FBLN7: variants seen among roughly 807,000 people sequenced by gnomAD.
FBLN7 encodes the protein fibulin 7, also known as fibulin-7.
FBLN7 carries 31 observed loss-of-function variants against 44.0 expected under a neutral mutation model. The observed-to-expected ratio is 0.70, with a 90% CI of 0.53 to 0.95. The LOEUF (loss-of-function observed/expected upper bound fraction) is 0.95. Ranked by LOEUF, FBLN7 falls within the 40% of genes least tolerant of loss-of-function variation. FBLN7 has a pLI of 0.00. For synonymous variants in FBLN7, 262 were observed against 253.4 expected (o/e 1.03, Z -0.32); for missense variants, 573 against 618.5 (o/e 0.93, Z 0.78).
rs139708636 is a variant in FBLN7 at position 112,186,446 on chromosome 2, C to G, written c.948-688C>G. Among the ~76,000 whole-genome samples, 782 of 152,170 alleles carry G rather than the reference C, an allele frequency of 5.1e-3. 10 individuals are homozygous for G. The highest frequency in any genetic ancestry group is 0.018 in the African/African-American group (737 of 41,512). ...CTTGAGATCAGGAGTTCGAGACCAG[C>G]CTGGCCAGCATGGTGAAACCCCGTC... is the stretch of plus-strand genomic sequence containing the variant. On this transcript the variant is annotated intron_variant, in intron 7 of 7. Coordinates refer to ENST00000331203, the MANE Select transcript of FBLN7 (RefSeq NM_153214.3).
At chr2:112,224,054 G>A in the FBLN7 span, among the ~76,000 whole-genome samples, 3 of 152,080 alleles carry the variant, frequency 2.0e-5, no homozygotes, top group Non-Finnish European at 4.4e-5. Flanking sequence ...CAGGAGAATC[G>A]CTTCAGCCTG....
intron 4 of FBLN7, chr2:112,176,309 T>G (rs1460522708): frequency 6.5e-6 from 1 of 153,016 alleles, no homozygotes; most frequent in Non-Finnish European, 1.5e-5. Context: ...ACATCTTGAG[T>G]CTCAACATAT....
chr2:112,163,672 C>T (rs1345319219), intron 2 of FBLN7, among the ~76,000 whole-genome samples: 1 of 152,236 alleles, frequency 6.6e-6, no homozygotes, highest in Non-Finnish European at 1.5e-5. Flanking sequence ...CCCTCCCCTT[C>T]CTCTTGTACG....
chr2:112,182,972 G>C, intron 6 of FBLN7, 44 bp downstream of exon 6: 1 of 1,603,596 alleles, frequency 6.2e-7, no homozygotes, highest in Middle Eastern at 1.7e-4. Context: ...GCCACCTGCT[G>C]CTGTGCTGAA....
chr2:112,192,954 G>A (rs1360123839), downstream of FBLN7, among the ~76,000 whole-genome samples: 3 of 152,148 alleles, frequency 2.0e-5, no homozygotes, highest in Non-Finnish European at 4.4e-5. Flanking sequence ...AAATAGATGT[G>A]TAAATGAAAA....
At chr2:112,146,648 C>T (rs1021509765) in intron 1 of FBLN7, among the ~76,000 whole-genome samples, 1 of 149,574 alleles carries the variant, frequency 6.7e-6, no homozygotes. Context: ...TCTGCGTTGA[C>T]CTTGTATCTT....
At chr2:112,200,374 C>T in the FBLN7 span, among the ~76,000 whole-genome samples, 1 of 152,182 alleles carries the variant, frequency 6.6e-6, no homozygotes, top group African/African-American at 2.4e-5. Context: ...GGCATGTATG[C>T]AGCTGGCTTA....
the FBLN7 span, among the ~76,000 whole-genome samples, chr2:112,211,226 A>C: frequency 6.6e-6 from 1 of 152,194 alleles, no homozygotes; most frequent in Non-Finnish European, 1.5e-5. Flanking sequence ...TCTGCCCCAC[A>C]TTTTTTTAGA....
chr2:112,228,324 A>G, the FBLN7 span, among the ~76,000 whole-genome samples: 1 of 152,158 alleles, frequency 6.6e-6, no homozygotes, highest in Non-Finnish European at 1.5e-5. Flanking sequence ...CAACATAGTG[A>G]AAGCCTGTCT....
chr2:112,231,868 C>T, the FBLN7 span: 1 of 1,593,366 alleles, frequency 6.3e-7, no homozygotes, highest in Admixed American at 1.7e-5. Flanking sequence ...TTTCAGGAGT[C>T]AGTGGAGCAT....
Position 112,143,040 on chromosome 2 carries a change from G to A in FBLN7, c.75+4310G>A, listed in dbSNP as rs887987104. On this transcript the variant is annotated intron_variant, in intron 1 of 7. Transcript: ENST00000331203. ...GCAGGGTCCAGAGCAGTGGTCCTGC[G>A]GGGATGGAGTCTCATCTCTCTCCTG... Among the ~76,000 whole-genome samples, 6 of 152,246 alleles carry A rather than the reference G, an allele frequency of 3.9e-5. No homozygotes were observed. In the Middle Eastern group the frequency reaches 0.01, roughly 259 times the overall value.
At chr2:112,208,535 G>A in the FBLN7 span, among the ~76,000 whole-genome samples, 175 of 152,260 alleles carry the variant, frequency 1.1e-3, no homozygotes, top group African/African-American at 4.1e-3. Context: ...ATGTTTTATT[G>A]TTGGTATTCT....
chr2:112,210,285 A>T, the FBLN7 span, among the ~76,000 whole-genome samples: 2 of 152,160 alleles, frequency 1.3e-5, no homozygotes, highest in Middle Eastern at 6.8e-3. Flanking sequence ...TGGAGATCGT[A>T]ATCAATTAAA....
At chr2:112,184,087 C>T (rs901030097) in intron 6 of FBLN7, among the ~76,000 whole-genome samples, 2 of 152,200 alleles carry the variant, frequency 1.3e-5, no homozygotes, top group African/African-American at 4.8e-5. Context: ...ATCATCCTGA[C>T]CCTTGGCCCT....
chr2:112,177,474 G>T (rs4849049), intron 4 of FBLN7: 20,693 of 152,198 alleles, frequency 0.14, 1,641 homozygotes, highest in East Asian at 0.34. Flanking sequence ...TTCCCTGGAG[G>T]AGCATCCCTC....
intron 2 of FBLN7, among the ~76,000 whole-genome samples, chr2:112,160,682 GCACGCACA>G (rs1681728473): frequency 2.2e-5 from 3 of 134,552 alleles, no homozygotes; most frequent in South Asian, 2.4e-4. Flanking sequence ...ACACGCAGAC[GCACGCACA>G]CGCACACACG....
At chr2:112,241,009 T>TTG in the FBLN7 span, among the ~76,000 whole-genome samples, 48,540 of 145,354 alleles carry the variant, frequency 0.33, 8,408 homozygotes, top group Middle Eastern at 0.49. Flanking sequence ...GTGTTGTGTT[T>TTG]TGTGTGTGTG....
intron 3 of FBLN7, among the ~76,000 whole-genome samples, chr2:112,173,644 T>G (rs372368659): frequency 2.6e-4 from 39 of 152,190 alleles, no homozygotes; most frequent in East Asian, 9.6e-4. Context: ...AAGATGAAAC[T>G]TACTTACGTG....
chr2:112,204,916 T>C, the FBLN7 span, among the ~76,000 whole-genome samples: 1 of 152,136 alleles, frequency 6.6e-6, no homozygotes, highest in Non-Finnish European at 1.5e-5. Flanking sequence ...TATAAATATA[T>C]TTTTTGTTTA....
Sources: gnomAD v4.1 joint callset for allele counts (sites outside exome capture counted in the v4.1 genomes callset) on GRCh38, gnomAD v4.1.1 for gene constraint, MANE v1.5 for transcripts, NCBI Gene and HGNC (gene_info 2026-07-23, HGNC 2026-07-21) for gene names.